The following ERG variants were observed in gnomAD, a reference collection of about 807,000 sequenced individuals.
The protein encoded by ERG is ETS transcription factor ERG.
ERG carries 9 observed loss-of-function variants against 55.3 expected under a neutral mutation model. The ratio of observed to expected loss-of-function variants is 0.16; its 90% CI spans 0.10 to 0.28. ERG has a LOEUF of 0.28. Ranked by LOEUF, ERG falls within the 10% of genes least tolerant of loss-of-function variation. The pLI, the probability that ERG is intolerant of heterozygous loss-of-function variation, is 1.00. For missense variants in ERG, 434 were observed against 631.6 expected (o/e 0.69, Z 3.35); for synonymous variants, 223 against 237.3 (o/e 0.94, Z 0.55).
At chr21:38,522,581 A>T in intron 2 of ERG, among the ~76,000 whole-genome samples, 1 of 152,218 alleles carries the variant, frequency 6.6e-6, no homozygotes, top group East Asian at 1.9e-4. Flanking sequence ...AAAACACTTT[A>T]ACTATTTTTA....
intron 1 of ERG, among the ~76,000 whole-genome samples, chr21:38,615,236 G>C (rs2060251555): frequency 6.6e-6 from 1 of 152,156 alleles, no homozygotes; most frequent in Non-Finnish European, 1.5e-5. Context: ...CAATACCAGT[G>C]CTGCCCTCAA....
At chr21:38,401,099 C>T (rs1284539094) in intron 5 of ERG, among the ~76,000 whole-genome samples, 2 of 152,196 alleles carry the variant, frequency 1.3e-5, no homozygotes, top group Non-Finnish European at 2.9e-5. Flanking sequence ...AATTAATCCA[C>T]ATCTCTATTC....
At chr21:38,599,881 A>C (rs1432010403) in intron 1 of ERG, among the ~76,000 whole-genome samples, 2 of 152,256 alleles carry the variant, frequency 1.3e-5, no homozygotes, top group Non-Finnish European at 2.9e-5. Context: ...CAGCTCATTC[A>C]GAAAACAAAG....
intron 2 of ERG, among the ~76,000 whole-genome samples, chr21:38,433,839 C>CT (rs1165565800): frequency 6.6e-6 from 1 of 152,226 alleles, no homozygotes. Flanking sequence ...ATGTCTTCTT[C>CT]TTTGAGTCAG....
intron 1 of ERG, among the ~76,000 whole-genome samples, chr21:38,597,899 T>C (rs1398513227): frequency 2.0e-5 from 3 of 152,210 alleles, no homozygotes; most frequent in Non-Finnish European, 4.4e-5. Context: ...GTGATGTAAT[T>C]AACATTTGCA....
At position 38,575,776 on chromosome 21, in the gene ERG, A is replaced by G. The variant is rs554240896; in HGVS notation, c.-126-29T>C. 2.0e-5 allele frequency: 30 copies of G among 1,512,248 alleles called. No individual in the cohort carries two copies. In the East Asian group the frequency reaches 6.8e-4, roughly 34 times the overall value. 93.7% of individuals were successfully genotyped at this position (1,512,248 alleles called of 1,614,324 possible). ...GAAGACAAAAGGAACAACATACATAATAATAAACAACTGCATTTCTGTGTT... is the reference window on the plus strand; with the variant it reads ...GAAGACAAAAGGAACAACATACATAGTAATAAACAACTGCATTTCTGTGTT... On this transcript the variant is annotated intron_variant, in intron 1 of 8. Transcript: ENST00000398897.
chr21:38,377,878 T>C (rs947830317), downstream of ERG, among the ~76,000 whole-genome samples: 3 of 152,174 alleles, frequency 2.0e-5, no homozygotes, highest in Non-Finnish European at 4.4e-5. Context: ...AGGACATGTT[T>C]TTATGCAAGT....
intron 1 of ERG, among the ~76,000 whole-genome samples, chr21:38,601,054 C>A (rs890200728): frequency 6.6e-6 from 1 of 152,234 alleles, no homozygotes; most frequent in South Asian, 2.1e-4. Context: ...AGGGTTATCA[C>A]CTCCACCAGT....
intron 1 of ERG, among the ~76,000 whole-genome samples, chr21:38,600,131 C>T (rs539837361): frequency 6.6e-6 from 1 of 152,296 alleles, no homozygotes; most frequent in South Asian, 2.1e-4. Context: ...CACCAAGAGG[C>T]AGAAGAGTCT....
At chr21:38,535,643 A>G (rs977729084) in intron 2 of ERG, among the ~76,000 whole-genome samples, 2 of 152,146 alleles carry the variant, frequency 1.3e-5, no homozygotes, top group African/African-American at 4.8e-5. Flanking sequence ...TTAGGGAAGT[A>G]CCCTATATTT....
chr21:38,581,239 C>T (rs1217072751), intron 1 of ERG, among the ~76,000 whole-genome samples: 1 of 152,020 alleles, frequency 6.6e-6, no homozygotes, highest in Non-Finnish European at 1.5e-5. Context: ...GGGCAGTGCT[C>T]GATATGAGCA....
At chr21:38,659,783 G>A (rs2060541115) in intron 1 of ERG, among the ~76,000 whole-genome samples, 1 of 152,176 alleles carries the variant, frequency 6.6e-6, no homozygotes, top group Non-Finnish European at 1.5e-5. Flanking sequence ...AGTGTAGTCT[G>A]CTATTAATAA....
At chr21:38,660,870 CGTGGGT>C (rs1474662247) in intron 1 of ERG, among the ~76,000 whole-genome samples, 1 of 151,800 alleles carries the variant, frequency 6.6e-6, no homozygotes, top group Non-Finnish European at 1.5e-5. Context: ...TCCGTGTGCG[CGTGGGT>C]GTGGGTGTGC....
At chr21:38,475,370 T>C (rs550589442) in intron 1 of ERG, among the ~76,000 whole-genome samples, 1 of 152,260 alleles carries the variant, frequency 6.6e-6, no homozygotes, top group East Asian at 1.9e-4. Context: ...CCCAAGCTTT[T>C]CGCACCTGAC....
intron 1 of ERG, among the ~76,000 whole-genome samples, chr21:38,650,707 G>A (rs1404095664): frequency 1.3e-5 from 2 of 152,140 alleles, no homozygotes; most frequent in Non-Finnish European, 2.9e-5. Flanking sequence ...GACGCATCAC[G>A]TATAGTACAC....
intron 1 of ERG, among the ~76,000 whole-genome samples, chr21:38,607,805 G>A (rs2060205008): frequency 6.6e-6 from 1 of 152,120 alleles, no homozygotes; most frequent in African/African-American, 2.4e-5. Context: ...AAACAAAGCA[G>A]AACTAAAGAA....
At chr21:38,565,746 C>A (rs546607037) in intron 2 of ERG, among the ~76,000 whole-genome samples, 1 of 152,210 alleles carries the variant, frequency 6.6e-6, no homozygotes, top group Non-Finnish European at 1.5e-5. Context: ...CTTGCTTCTC[C>A]TGCTTTGTTC....
intron 1 of ERG, among the ~76,000 whole-genome samples, chr21:38,618,277 A>G (rs565874425): frequency 0.025 from 3,793 of 152,348 alleles, 47 homozygotes; most frequent in East Asian, 0.051. Context: ...GCAGATGATC[A>G]TCTCGGAACG....
chr21:38,376,294 A>C (rs1601304160), downstream of ERG, among the ~76,000 whole-genome samples: 1 of 152,172 alleles, frequency 6.6e-6, no homozygotes, highest in African/African-American at 2.4e-5. Context: ...GAATTGTCGG[A>C]TGTGAATCTG....
Sources: gnomAD v4.1 joint callset for allele counts (sites outside exome capture counted in the v4.1 genomes callset) on GRCh38, gnomAD v4.1.1 for gene constraint, MANE v1.5 for transcripts, NCBI Gene and HGNC (gene_info 2026-07-23, HGNC 2026-07-21) for gene names.